Variants in FLVCR2 observed in about 807,000 individuals in gnomAD.
FLVCR2 encodes choline/ethanolamine transporter FLVCR2.
Under a neutral mutation model 48.9 loss-of-function variants are expected in FLVCR2, and 38 were observed. The ratio of observed to expected loss-of-function variants is 0.78; its 90% CI spans 0.60 to 1.02. The LOEUF is 1.02. Among genes scored for constraint, FLVCR2 ranks in the 50% least tolerant of loss-of-function variants. The probability of loss-of-function intolerance (pLI) is 0.00; values close to 1 mark genes in which losing one functional copy is unlikely to be tolerated. For synonymous variants in FLVCR2, 255 were observed against 257.0 expected (o/e 0.99, Z 0.07); for missense variants, 664 against 663.3 (o/e 1.00, Z -0.01).
intron 1 of FLVCR2, 55 bp downstream of exon 1, chr14:75,579,696 C>T: frequency 1.3e-6 from 2 of 1,573,146 alleles, no homozygotes; most frequent in Non-Finnish European, 1.7e-6. Flanking sequence ...TTGCACCTAA[C>T]TATTGGGTGT....
intron 1 of FLVCR2, among the ~76,000 whole-genome samples, chr14:75,607,209 T>C (rs1041511079): frequency 6.6e-6 from 1 of 152,164 alleles, no homozygotes. Flanking sequence ...CCATGAAAGC[T>C]AAATGAGGCA....
At chr14:75,609,409 T>C (rs1047544660) in intron 1 of FLVCR2, among the ~76,000 whole-genome samples, 2 of 152,182 alleles carry the variant, frequency 1.3e-5, no homozygotes, top group Admixed American at 1.3e-4. Context: ...GATCTAATGG[T>C]GCTGCAATCT....
At chr14:75,613,549 C>CTTTTTCT (rs1210116047) in intron 1 of FLVCR2, among the ~76,000 whole-genome samples, 5 of 151,940 alleles carry the variant, frequency 3.3e-5, no homozygotes, top group South Asian at 2.1e-4. Flanking sequence ...ATTTCTTTTT[C>CTTTTTCT]TTTTTCTTTT....
At chr14:75,633,547 C>T (rs962371944) in intron 3 of FLVCR2, 82 bp from the exon 4 acceptor site, 23 of 1,096,130 alleles carry the variant, frequency 2.1e-5, no homozygotes, top group Non-Finnish European at 3.2e-5. Flanking sequence ...TTCTGCCCAC[C>T]CCCCAAATGC....
intron 1 of FLVCR2, among the ~76,000 whole-genome samples, chr14:75,615,587 G>C (rs1730804359): frequency 6.6e-6 from 1 of 152,092 alleles, no homozygotes; most frequent in South Asian, 2.1e-4. Context: ...AACTTGCCAA[G>C]CTCTAGTAAC....
intron 1 of FLVCR2, among the ~76,000 whole-genome samples, chr14:75,581,259 C>T (rs1362760792): frequency 2.0e-5 from 3 of 152,176 alleles, no homozygotes; most frequent in Non-Finnish European, 4.4e-5. Context: ...TATTAAAGGA[C>T]TAAGAATTGG....
At chr14:75,635,820 C>T (rs552025628) in intron 5 of FLVCR2, among the ~76,000 whole-genome samples, 66 of 152,026 alleles carry the variant, frequency 4.3e-4, no homozygotes, top group East Asian at 1.7e-3. Context: ...ACTGGGTTCA[C>T]GCCACTGCAC....
At chr14:75,601,625 C>A (rs1889168554) in intron 1 of FLVCR2, among the ~76,000 whole-genome samples, 1 of 152,042 alleles carries the variant, frequency 6.6e-6, no homozygotes, top group Non-Finnish European at 1.5e-5. Context: ...CAACATGAAG[C>A]ACCTCAAAAA....
chr14:75,581,239 GA>G (rs1185301917), intron 1 of FLVCR2, among the ~76,000 whole-genome samples: 1 of 152,138 alleles, frequency 6.6e-6, no homozygotes, highest in African/African-American at 2.4e-5. Context: ...AAGAGAAGGA[GA>G]AAAACAGGTA....
intron 1 of FLVCR2, among the ~76,000 whole-genome samples, chr14:75,591,351 A>G (rs192850435): frequency 6.6e-6 from 1 of 152,304 alleles, no homozygotes; most frequent in East Asian, 1.9e-4. Context: ...TGGCCAGCAG[A>G]CTTTAAATCT....
chr14:75,626,920 T>C (rs1844379801), intron 3 of FLVCR2, among the ~76,000 whole-genome samples: 1 of 151,952 alleles, frequency 6.6e-6, no homozygotes. Context: ...TTCATAAATA[T>C]TTTCTATAGC....
intron 3 of FLVCR2, among the ~76,000 whole-genome samples, chr14:75,629,586 A>G (rs1889988939): frequency 6.6e-6 from 1 of 151,696 alleles, no homozygotes; most frequent in Non-Finnish European, 1.5e-5. Context: ...TGTGTTTCAC[A>G]GTAGGGTAGG....
chr14:75,638,091 TTCTC>T (rs887966439), intron 5 of FLVCR2, among the ~76,000 whole-genome samples: 2 of 152,154 alleles, frequency 1.3e-5, no homozygotes, highest in African/African-American at 4.8e-5. Context: ...TGAGAGAATA[TTCTC>T]TCTTAGTTCC....
chr14:75,643,539 A>G (rs1358063758), intron 9 of FLVCR2, among the ~76,000 whole-genome samples: 2 of 152,236 alleles, frequency 1.3e-5, no homozygotes, highest in Non-Finnish European at 1.5e-5. Flanking sequence ...TAGTGTTTGA[A>G]GGATCTGTGT....
At chr14:75,586,907 G>C (rs1888766123) in intron 1 of FLVCR2, among the ~76,000 whole-genome samples, 1 of 152,070 alleles carries the variant, frequency 6.6e-6, no homozygotes. Context: ...CAGGAGCCAA[G>C]ATTCAGATTG....
chr14:75,645,033 GGTGTGTGT>G (rs71119379), intron 9 of FLVCR2, among the ~76,000 whole-genome samples: 3 of 13,064 alleles, frequency 2.3e-4, no homozygotes, highest in East Asian at 4.7e-3. Context: ...AGGCGGGCGT[GGTGTGTGT>G]GTGTGTGTGT....
chr14:75,637,212 T>G, intron 5 of FLVCR2, among the ~76,000 whole-genome samples: 1 of 152,248 alleles, frequency 6.6e-6, no homozygotes, highest in East Asian at 1.9e-4. Context: ...ACAAGTAACT[T>G]GAGTGGCCTG....
At chr14:75,631,440 C>T (rs1890035446) in intron 3 of FLVCR2, among the ~76,000 whole-genome samples, 1 of 152,222 alleles carries the variant, frequency 6.6e-6, no homozygotes, top group Non-Finnish European at 1.5e-5. Context: ...AGAAAAACCA[C>T]TCAGCTTCAG....
intron 1 of FLVCR2, among the ~76,000 whole-genome samples, chr14:75,597,654 C>A (rs144879756): frequency 6.6e-6 from 1 of 152,060 alleles, no homozygotes; most frequent in Non-Finnish European, 1.5e-5. Flanking sequence ...ACTGCAATCT[C>A]CACTTCCCAA....
Sources: allele counts gnomAD v4.1 joint callset (sites outside exome capture counted in the v4.1 genomes callset), GRCh38; gene constraint gnomAD v4.1.1; transcripts MANE v1.5; gene names NCBI Gene and HGNC (gene_info 2026-07-23, HGNC 2026-07-21).